The following FAM135A variants were observed in gnomAD, a reference collection of about 807,000 sequenced individuals.
FAM135A encodes the protein family with sequence similarity 135 member A.
In FAM135A, 79 loss-of-function variants were observed where a neutral mutation model predicts 146.8. The ratio of observed to expected loss-of-function variants is 0.54; its 90% CI spans 0.45 to 0.65. The LOEUF (loss-of-function observed/expected upper bound fraction) is 0.65, where lower values mean the gene tolerates loss of function less well. Among genes scored for constraint, FAM135A ranks in the 30% least tolerant of loss-of-function variants. The pLI is 0.00. For synonymous variants in FAM135A, 562 were observed against 603.6 expected, an observed-to-expected ratio of 0.93 and a Z score of 1.01; for missense variants, 1,623 against 1,758.2, an observed-to-expected ratio of 0.92 and a Z score of 1.38.
At chr6:70,458,704 T>A (rs944615329) in intron 5 of FAM135A, among the ~76,000 whole-genome samples, 2 of 152,144 alleles carry the variant, frequency 1.3e-5, no homozygotes, top group Admixed American at 6.5e-5. Flanking sequence ...GGATAGTGAT[T>A]GATGGGATGT....
At chr6:70,527,532 G>C (rs1055044762) in intron 15 of FAM135A, among the ~76,000 whole-genome samples, 1 of 152,094 alleles carries the variant, frequency 6.6e-6, no homozygotes, top group Non-Finnish European at 1.5e-5. Flanking sequence ...GGTTACTTCA[G>C]ATTGTCTGAG....
chr6:70,534,337 TGAGGCAGG>T, intron 18 of FAM135A, among the ~76,000 whole-genome samples: 4 of 144,872 alleles, frequency 2.8e-5, no homozygotes, highest in South Asian at 4.4e-4. Context: ...TTTTTTTTTT[TGAGGCAGG>T]GTGTTGCTCA....
intron 4 of FAM135A, 98 bp from the exon 5 acceptor site, chr6:70,452,394 C>G (rs1478881849): frequency 1.2e-6 from 1 of 864,166 alleles, no homozygotes. Flanking sequence ...ATAATTAGGC[C>G]AACTTTATTA....
At position 70,536,306 on chromosome 6, in the gene FAM135A, A is replaced by T; in HGVS notation, c.4012A>T (p.Thr1338Ser). The T allele has an allele frequency of 6.2e-7, 1 of 1,613,340 alleles. No individual in the cohort carries two copies. The change falls in exon 19 of 22, where the codon ACA (threonine) becomes TCA (serine). Residue 1338 changes from threonine to serine, a missense_variant. Physicochemically the swap from Thr to Ser is moderately conservative, Grantham distance 58. Coordinates refer to ENST00000418814, the MANE Select transcript of FAM135A (RefSeq NM_001162529.3). ...CAATTTAATAATTCGTTCAGTGCTTACAAGGCCAAGGTTTAAATATTACCT... is the reference window on the plus strand; with the variant it reads ...CAATTTAATAATTCGTTCAGTGCTTTCAAGGCCAAGGTTTAAATATTACCT... ...LGNLIIRSVL[T>S]RPRFKYYLNK... is the part of the protein sequence containing the mutation.
In FAM135A at chr6:70,528,282, T is replaced by G; in HGVS notation, c.3615-10T>G. 6.2e-7 allele frequency: 1 copy of G among 1,600,892 alleles called. No individual in the cohort carries two copies. Among genetic ancestry groups the G allele is most frequent in the Non-Finnish European group, 8.5e-7 (1 of 1,175,246 alleles). ...CCTTAGTAAAGAGTATCTTTTGTAT[T>G]TTGCTTCAGCTTCCTTCAGGCAAAA... On this transcript the variant is annotated splice_polypyrimidine_tract_variant and intron_variant, in intron 15 of 21. Coordinates refer to ENST00000418814, the MANE Select transcript of FAM135A (RefSeq NM_001162529.3).
intron 5 of FAM135A, among the ~76,000 whole-genome samples, chr6:70,465,705 T>C (rs1780330274): frequency 6.6e-6 from 1 of 152,184 alleles, no homozygotes; most frequent in Non-Finnish European, 1.5e-5. Flanking sequence ...TTTTAATTTT[T>C]TGAGGAACCC....
In FAM135A at chr6:70,559,851, T is replaced by C. The variant is rs1252927385; in HGVS notation, c.4478T>C (p.Ile1493Thr). The change falls in exon 22 of 22, where the codon ATA (isoleucine) becomes ACA (threonine). Residue 1493 changes from isoleucine to threonine, a missense_variant. Ile to Thr is a moderately conservative substitution (Grantham distance 89). Around this residue, in one of 7 missense-constraint regions of FAM135A, gnomAD observed 138 missense variants for 174.1 expected, o/e 0.79. Coordinates refer to ENST00000418814, the MANE Select transcript of FAM135A (RefSeq NM_001162529.3). Reference protein sequence around the residue: ...ADSLIGRAAHIAVLDSEIFLE... With the variant: ...ADSLIGRAAHTAVLDSEIFLE... ...TCACTCATTGGGAGAGCTGCACATATAGCTGTTCTTGATTCGGAAATATTT... is the reference window on the plus strand; with the variant it reads ...TCACTCATTGGGAGAGCTGCACATACAGCTGTTCTTGATTCGGAAATATTT... 1 of 1,614,012 alleles carries C rather than the reference T, an allele frequency of 6.2e-7. No homozygotes were observed. The highest frequency in any genetic ancestry group is 8.5e-7 in the Non-Finnish European group (1 of 1,180,022).
intron 20 of FAM135A, among the ~76,000 whole-genome samples, chr6:70,553,965 TTA>T (rs1229267131): frequency 1.3e-5 from 2 of 152,134 alleles, no homozygotes; most frequent in African/African-American, 4.8e-5. Flanking sequence ...AATAATAGGC[TTA>T]TAGAATAAAG....
At chr6:70,453,651 G>A (rs1337072384) in intron 5 of FAM135A, among the ~76,000 whole-genome samples, 1 of 151,706 alleles carries the variant, frequency 6.6e-6, no homozygotes, top group East Asian at 1.9e-4. Flanking sequence ...ACCTATGAGT[G>A]AGAACATGTG....
chr6:70,463,636 A>G (rs1582303482), intron 5 of FAM135A, among the ~76,000 whole-genome samples: 1 of 152,162 alleles, frequency 6.6e-6, no homozygotes, highest in South Asian at 2.1e-4. Flanking sequence ...ACTAAAACAA[A>G]CATCAATCAC....
chr6:70,472,707 A>C (rs1281282631), intron 5 of FAM135A, among the ~76,000 whole-genome samples: 1 of 152,164 alleles, frequency 6.6e-6, no homozygotes, highest in Non-Finnish European at 1.5e-5. Flanking sequence ...ACAGTTCCTC[A>C]GTCTCTTCTT....
In FAM135A at chr6:70,525,394, A is replaced by G. The variant is rs1242999964; in HGVS notation, c.2310A>G (p.Ser770=). ...ATYASSRFSD[S]GVESEPSSFA... The stretch of plus-strand genomic sequence containing the variant: ...ATGCCTCATCTAGATTTTCAGATTC[A>G]GGTGTTGAAAGTGAACCGAGTTCTT... The change falls in exon 15 of 22, where the codon TCA becomes TCG. Residue 770 remains serine (S), a synonymous_variant. Coordinates refer to ENST00000418814, the MANE Select transcript of FAM135A (RefSeq NM_001162529.3). 5 of 1,613,652 alleles carry G rather than the reference A, an allele frequency of 3.1e-6. No individual in the cohort carries two copies. In the South Asian group the frequency reaches 3.3e-5, roughly 11 times the overall value.
At chr6:70,444,468 G>A (rs1355817383) in intron 4 of FAM135A, among the ~76,000 whole-genome samples, 1 of 152,116 alleles carries the variant, frequency 6.6e-6, no homozygotes, top group African/African-American at 2.4e-5. Flanking sequence ...GGGAGGCTGA[G>A]ATGGGAGGAT....
chr6:70,519,531 T>C (rs976228727), intron 12 of FAM135A, among the ~76,000 whole-genome samples: 1 of 152,196 alleles, frequency 6.6e-6, no homozygotes, highest in Non-Finnish European at 1.5e-5. Flanking sequence ...GAAGAGTCAA[T>C]TGATGCAGCA....
intron 4 of FAM135A, among the ~76,000 whole-genome samples, chr6:70,433,638 T>C (rs1483992099): frequency 1.3e-5 from 2 of 152,152 alleles, no homozygotes; most frequent in African/African-American, 2.4e-5. Flanking sequence ...TGGTCTAAGA[T>C]GGCCTTGGTT....
rs1402122935 is a variant in FAM135A, at chr6:70,526,588, T to C, written c.3504T>C (p.Tyr1168=). The change falls in exon 15 of 22, where the codon TAT becomes TAC. Residue 1168 remains tyrosine (Y), a synonymous_variant. Coordinates refer to ENST00000418814, the MANE Select transcript of FAM135A (RefSeq NM_001162529.3). ...GAGAGTCTCCTTGTAATGTTAAATA[T>C]TCTTCCAAAAGTAAATTTGATGCCA... ...APRESPCNVK[Y]SSKSKFDAIT... The C allele has an allele frequency of 3.7e-6, 6 of 1,613,534 alleles. No individual in the cohort carries two copies. Among genetic ancestry groups the C allele is most frequent in the Non-Finnish European group, 5.1e-6 (6 of 1,179,672 alleles).
chr6:70,502,521 T>C, intron 11 of FAM135A, 115 bp from the exon 12 acceptor site: 1 of 1,032,586 alleles, frequency 9.7e-7, no homozygotes, highest in South Asian at 1.7e-5. Flanking sequence ...CAAATGCACA[T>C]CTCTTTTTTT....
Position 70,560,038 on chromosome 6 carries a change from G to T in FAM135A, c.*117G>T. 1 of 787,238 alleles carries T rather than the reference G, an allele frequency of 1.3e-6. No homozygotes were observed. The highest frequency in any genetic ancestry group is 1.9e-6 in the Non-Finnish European group (1 of 522,798). The allele number at this position is 787,238 out of a possible 1,614,324, so 48.8% of individuals were successfully genotyped here. On this transcript the variant is annotated 3_prime_UTR_variant, in exon 22 of 22. Coordinates refer to ENST00000418814, the MANE Select transcript of FAM135A (RefSeq NM_001162529.3). ...AAGAAATATTTATACCTTTTTATAT[G>T]GAAGATAATTTATATCATCCATGTT...
chr6:70,452,755 T>G (rs1251470945), intron 5 of FAM135A, among the ~76,000 whole-genome samples, 184 bp downstream of exon 5: 1 of 152,172 alleles, frequency 6.6e-6, no homozygotes, highest in Non-Finnish European at 1.5e-5. Context: ...GTCTCCTTCT[T>G]AGATTTCATA....
Sources: gnomAD v4.1 joint callset for allele counts (sites outside exome capture counted in the v4.1 genomes callset) on GRCh38, gnomAD v4.1.1 for gene constraint, gnomAD v4.1.1 regional missense constraint, MANE v1.5 for transcripts, NCBI Gene and HGNC (gene_info 2026-07-23, HGNC 2026-07-21) for gene names.